The following ZNF518A variants were observed in gnomAD, a reference collection of about 807,000 sequenced individuals.
The protein encoded by ZNF518A is zinc finger protein 518A, also known as zinc finger protein 518.
ZNF518A carries 47 observed loss-of-function variants against 102.7 expected under a neutral mutation model. The observed-to-expected ratio is 0.46, with a 90% CI of 0.36 to 0.58. ZNF518A has a LOEUF of 0.58. Ranked by LOEUF, ZNF518A falls within the 20% of genes least tolerant of loss-of-function variation. The pLI, the probability that ZNF518A is intolerant of heterozygous loss-of-function variation, is 0.00. For missense variants in ZNF518A, 1,793 were observed against 1,699.8 expected, an observed-to-expected ratio of 1.05 and a Z score of -0.96; for synonymous variants, 652 against 594.6, an observed-to-expected ratio of 1.10 and a Z score of -1.40.
Position 96,159,037 on chromosome 10 carries a change from A to G in ZNF518A, c.2715A>G (p.Leu905=), listed in dbSNP as rs1554885372. ...IITQQLVKDK[L]RATTQNLGSF... ...CACAGCAGCTTGTAAAAGACAAACT[A>G]CGAGCCACCACACAAAATTTAGGTT... is the stretch of plus-strand genomic sequence containing the variant. The change falls in exon 6 of 6, where the codon CTA becomes CTG. Residue 905 remains leucine (L), a synonymous_variant. Transcript: ENST00000316045. 1 of 1,613,536 alleles carries G rather than the reference A, an allele frequency of 6.2e-7. No homozygotes were observed.
chr10:96,155,970 A>G lies in ZNF518A; in HGVS notation c.-204A>G, dbSNP rs1216144304. On this transcript the variant is annotated 5_prime_UTR_variant, in exon 5 of 6. Coordinates refer to ENST00000316045, the MANE Select transcript of ZNF518A (RefSeq NM_001330736.2). ...GAAGTTGAAGTTTTCCCAAGGTCAC[A>G]CAGCAGAGCTGGAACTAGAGCTTGC... The G allele has an allele frequency of 3.8e-5, 6 of 156,202 alleles. No homozygotes were observed. The highest frequency in any genetic ancestry group is 1.4e-4 in the African/African-American group (6 of 41,550). The allele number at this position is 156,202 out of a possible 1,614,324, so 9.7% of individuals were successfully genotyped here. A position where few individuals can be genotyped will look rare whatever the true frequency, so the allele number is the denominator to read the frequency against.
chr10:96,135,601 A>G (rs2081558961), intron 3 of ZNF518A, among the ~76,000 whole-genome samples: 1 of 152,228 alleles, frequency 6.6e-6, no homozygotes, highest in Non-Finnish European at 1.5e-5. Flanking sequence ...AGTATGTGCA[A>G]CTGCCTGGAT....
chr10:96,150,028 T>A (rs2133585576), intron 3 of ZNF518A, among the ~76,000 whole-genome samples: 1 of 151,938 alleles, frequency 6.6e-6, no homozygotes, highest in East Asian at 1.9e-4. Context: ...AATGTCTGAT[T>A]AATATTGGTG....
intron 3 of ZNF518A, among the ~76,000 whole-genome samples, chr10:96,147,511 T>C (rs2082226953): frequency 6.6e-6 from 1 of 152,216 alleles, no homozygotes; most frequent in East Asian, 1.9e-4. Flanking sequence ...TAGTAACAAC[T>C]TGGGGAAGGA....
chr10:96,130,786 T>G (rs1554871393), intron 1 of ZNF518A, 34 bp downstream of exon 1: 2 of 152,348 alleles, frequency 1.3e-5, no homozygotes, highest in Non-Finnish European at 2.9e-5. Flanking sequence ...CCACACCCAG[T>G]GGCAGTTGGA....
At chr10:96,152,910 A>T (rs779815490) in intron 3 of ZNF518A, among the ~76,000 whole-genome samples, 2 of 152,232 alleles carry the variant, frequency 1.3e-5, no homozygotes, top group Non-Finnish European at 2.9e-5. Context: ...TGATTGATAG[A>T]TACATAAATA....
rs2083024850 is a variant in ZNF518A at position 96,162,151 on chromosome 10, CAAAT to C, written c.*1378_*1381del. 1 of 166,816 alleles carries C rather than the reference CAAAT, an allele frequency of 6.0e-6. No homozygotes were observed. Among genetic ancestry groups the C allele is most frequent in the Non-Finnish European group, 1.5e-5 (1 of 68,002 alleles). The allele number at this position is 166,816 out of a possible 1,614,324, so 10.3% of individuals were successfully genotyped here. A position where few individuals can be genotyped will look rare whatever the true frequency, so the allele number is the denominator to read the frequency against. ...TTCAGGGCTTCTTTTCTGTATATAA[CAAAT>C]TAAGTCTGTACATATTTTTGTACCT... On this transcript the variant is annotated 3_prime_UTR_variant, in exon 6 of 6. Transcript: ENST00000316045.
Position 96,142,995 on chromosome 10 carries a change from A to T in ZNF518A, c.-302+9347A>T, listed in dbSNP as rs1479429989. Among the ~76,000 whole-genome samples the T allele has an allele frequency of 2.0e-5, 3 of 152,048 alleles. No individual in the cohort carries two copies. In the East Asian group the frequency reaches 5.8e-4, roughly 29 times the overall value. ...CTAACTTTTTGTATTTTTAGTACAG[A>T]TGGGGTTTCGCCATGTTGGCCAGGC... On this transcript the variant is annotated intron_variant, in intron 3 of 5. Transcript: ENST00000316045.
At chr10:96,199,449 G>T in intron 1 of ZNF518A, 1 of 455,818 alleles carries the variant, frequency 2.2e-6, no homozygotes, top group Admixed American at 2.4e-5. Flanking sequence ...CCTCAGTGGA[G>T]CTCATGCAGC....
chr10:96,192,197 C>T (rs1554893622), intron 1 of ZNF518A: 8 of 1,455,528 alleles, frequency 5.5e-6, no homozygotes, highest in South Asian at 1.2e-5. Flanking sequence ...AGTTATTACA[C>T]CCCAGCTGAC....
At chr10:96,197,181 T>C (rs1480041073) in intron 1 of ZNF518A, 1 of 750,616 alleles carries the variant, frequency 1.3e-6, no homozygotes, top group Non-Finnish European at 2.1e-6. Context: ...ATTATTTAGC[T>C]ACATTATTTT....
At chr10:96,168,331 C>T (rs782200845), downstream of ZNF518A, among the ~76,000 whole-genome samples, 1 of 151,694 alleles carries the variant, frequency 6.6e-6, no homozygotes, top group African/African-American at 2.4e-5. Flanking sequence ...GCTCACCACA[C>T]GGGAATTGTG....
downstream of ZNF518A, among the ~76,000 whole-genome samples, chr10:96,165,181 T>TGGCACAGTCTTGGCTCACTGCAGC (rs1400269724): frequency 2.6e-5 from 4 of 152,214 alleles, no homozygotes; most frequent in Non-Finnish European, 5.9e-5. Flanking sequence ...TGGAGTGCAG[T>TGGCACAGTCTTGGCTCACTGCAGC]GGCACAGTCT....
chr10:96,167,765 C>G (rs2083150794), downstream of ZNF518A, among the ~76,000 whole-genome samples: 1 of 152,060 alleles, frequency 6.6e-6, no homozygotes, highest in Admixed American at 6.5e-5. Context: ...CAAAATGGAT[C>G]ATAGACCTAA....
At position 96,157,286 on chromosome 10, in the gene ZNF518A, G is replaced by C. The variant is rs587765520; in HGVS notation, c.964G>C (p.Ala322Pro). 16 of 1,612,272 alleles carry C rather than the reference G, an allele frequency of 9.9e-6. 2 individuals carry two copies. The highest frequency in any genetic ancestry group is 1.6e-4 in the Middle Eastern group (1 of 6,062). Residue 322 changes from alanine to proline, a missense_variant, in exon 6 of 6, where the codon GCA becomes CCA. By Grantham distance (27) the Ala-to-Pro change is conservative (BLOSUM62 -1). This residue lies in a region of ZNF518A where 1,741 missense variants were observed against 1,622.6 expected (regional missense o/e 1.07). Coordinates refer to ENST00000316045, the MANE Select transcript of ZNF518A (RefSeq NM_001330736.2). ...KLILKRYKIGASRKTFWKRKK... is the reference protein window; with the variant it reads ...KLILKRYKIGPSRKTFWKRKK... ...AATACTGAAAAGATATAAAATAGGT[G>C]CATCAAGGAAGACGTTCTGGAAACG...
At position 96,159,584 on chromosome 10, in the gene ZNF518A, A is replaced by G. The variant is rs2082895638; in HGVS notation, c.3262A>G (p.Ile1088Val). 3 of 1,613,832 alleles carry G rather than the reference A, an allele frequency of 1.9e-6. No homozygotes were observed. Among genetic ancestry groups the G allele is most frequent in the Non-Finnish European group, 2.5e-6 (3 of 1,179,788 alleles). Residue 1088 changes from isoleucine to valine, a missense_variant, in exon 6 of 6, where the codon ATT (isoleucine) becomes GTT (valine). Transcript: ENST00000316045. ...ISDSVKQQNE[I>V]FPKPPLYTFL... ...CGATTCAGTAAAACAGCAGAATGAGATTTTTCCAAAACCACCTCTTTATAC... is the reference window on the plus strand; with the variant it reads ...CGATTCAGTAAAACAGCAGAATGAGGTTTTTCCAAAACCACCTCTTTATAC...
chr10:96,201,981 G>A (rs1240684440), intron 1 of ZNF518A, among the ~76,000 whole-genome samples: 5 of 152,198 alleles, frequency 3.3e-5, no homozygotes, highest in African/African-American at 7.2e-5. Flanking sequence ...AGATCTGCAG[G>A]TGGAGAGGGA....
At position 96,163,091 on chromosome 10, in the gene ZNF518A, C is replaced by T. The variant is rs1273048804; in HGVS notation, c.*2317C>T. 1.8e-5 allele frequency: 3 copies of T among 166,996 alleles called. No individual in the cohort carries two copies. The highest frequency in any genetic ancestry group is 2.9e-5 in the Non-Finnish European group (2 of 68,072). The allele number at this position is 166,996 out of a possible 1,614,324, so 10.3% of individuals were successfully genotyped here. A position where few individuals can be genotyped will look rare whatever the true frequency, so the allele number is the denominator to read the frequency against. ...AACTTTCCTGCTAATATTCGCAGCA[C>T]TATAACATTACATTTCAGAATAGCC... On this transcript the variant is annotated 3_prime_UTR_variant, in exon 6 of 6. Transcript: ENST00000316045.
At position 96,159,958 on chromosome 10, in the gene ZNF518A, A is replaced by T; in HGVS notation, c.3636A>T (p.Ala1212=). ...PANEIVITST[A]TCPESSEEPI... is the part of the protein sequence containing the mutation. ...ATGAAATTGTGATAACTTCTACTGC[A>T]ACATGCCCAGAATCTTCTGAGGAAC... Residue 1212 remains alanine, a synonymous_variant, in exon 6 of 6, where the codon GCA becomes GCT. Transcript: ENST00000316045. 6.2e-7 allele frequency: 1 copy of T among 1,613,536 alleles called. No homozygotes were observed. The highest frequency in any genetic ancestry group is 8.5e-7 in the Non-Finnish European group (1 of 1,179,682).
Sources: allele counts gnomAD v4.1 joint callset (sites outside exome capture counted in the v4.1 genomes callset), GRCh38; gene constraint gnomAD v4.1.1; regional missense constraint gnomAD v4.1.1; transcripts MANE v1.5; gene names NCBI Gene and HGNC (gene_info 2026-07-23, HGNC 2026-07-21).